Variants in GABRB1 observed in about 807,000 individuals in gnomAD.
GABRB1 encodes the protein gamma-aminobutyric acid receptor subunit beta-1.
In GABRB1, 17 loss-of-function variants were observed where a neutral mutation model predicts 51.6. That is an observed-to-expected ratio of 0.33 (90% CI 0.23 to 0.49). The LOEUF (loss-of-function observed/expected upper bound fraction) is 0.49, where lower values mean the gene tolerates loss of function less well. GABRB1 is among the 20% of genes least tolerant of loss of function. The pLI is 0.99. For synonymous variants in GABRB1, 247 were observed against 218.9 expected, an observed-to-expected ratio of 1.13 and a Z score of -1.14; for missense variants, 410 against 600.6, an observed-to-expected ratio of 0.68 and a Z score of 3.32.
At chr4:47,114,075 C>G (rs1037625889) in intron 3 of GABRB1, among the ~76,000 whole-genome samples, 1 of 152,180 alleles carries the variant, frequency 6.6e-6, no homozygotes, top group Non-Finnish European at 1.5e-5. Context: ...ATGCAGTTTA[C>G]AGTTCTTATT....
intron 3 of GABRB1, among the ~76,000 whole-genome samples, chr4:47,132,578 A>G (rs141702620): frequency 1.3e-5 from 2 of 152,332 alleles, no homozygotes; most frequent in African/African-American, 4.8e-5. Flanking sequence ...GTCAGTTAAA[A>G]TGAACTTTTT....
intron 3 of GABRB1, among the ~76,000 whole-genome samples, chr4:47,136,283 G>A (rs900077330): frequency 6.6e-6 from 1 of 152,018 alleles, no homozygotes; most frequent in Non-Finnish European, 1.5e-5. Context: ...TAGCGGCCTT[G>A]AATACCACTT....
chr4:47,016,446 T>C (rs975785437), intron 1 of GABRB1, among the ~76,000 whole-genome samples: 1 of 152,200 alleles, frequency 6.6e-6, no homozygotes, highest in Non-Finnish European at 1.5e-5. Context: ...TAAAGTGACA[T>C]AGTGACACTT....
chr4:47,249,465 G>C (rs1397107977), intron 4 of GABRB1, among the ~76,000 whole-genome samples: 1 of 152,050 alleles, frequency 6.6e-6, no homozygotes, highest in Non-Finnish European at 1.5e-5. Context: ...ATGCACTGTT[G>C]AACAGAATGT....
chr4:47,305,742 C>G (rs1016012020), intron 4 of GABRB1, among the ~76,000 whole-genome samples: 2 of 152,150 alleles, frequency 1.3e-5, no homozygotes, highest in African/African-American at 2.4e-5. Flanking sequence ...TCATAATTAT[C>G]ACCCAGTATT....
chr4:47,412,339 T>G (rs573709526), intron 8 of GABRB1, among the ~76,000 whole-genome samples: 2 of 152,308 alleles, frequency 1.3e-5, no homozygotes, highest in African/African-American at 2.4e-5. Context: ...ATTTTAGATG[T>G]TTTTAGAAAT....
chr4:47,349,055 G>A (rs1389277728), intron 5 of GABRB1, among the ~76,000 whole-genome samples: 2 of 152,162 alleles, frequency 1.3e-5, no homozygotes, highest in African/African-American at 2.4e-5. Flanking sequence ...AGAATACCGG[G>A]AATGTTTTAG....
chr4:47,383,693 A>T (rs1354907727), intron 5 of GABRB1, among the ~76,000 whole-genome samples: 3 of 152,176 alleles, frequency 2.0e-5, no homozygotes, highest in Non-Finnish European at 4.4e-5. Context: ...TAGCGGGCAT[A>T]TGAGCTACCA....
chr4:47,066,070 C>G (rs947909434), intron 3 of GABRB1, among the ~76,000 whole-genome samples: 1 of 151,998 alleles, frequency 6.6e-6, no homozygotes, highest in Non-Finnish European at 1.5e-5. Flanking sequence ...CAAAGCCATA[C>G]GAACAATTGC....
intron 1 of GABRB1, among the ~76,000 whole-genome samples, chr4:47,022,535 A>G (rs938673749): frequency 1.3e-5 from 2 of 152,098 alleles, no homozygotes; most frequent in Non-Finnish European, 2.9e-5. Context: ...TCATCAGAAT[A>G]TGACTAATTA....
At chr4:47,004,916 A>G (rs181303608) in intron 1 of GABRB1, among the ~76,000 whole-genome samples, 2 of 152,340 alleles carry the variant, frequency 1.3e-5, no homozygotes, top group African/African-American at 2.4e-5. Context: ...TCGAAGGTCA[A>G]TGGCATGCAG....
At chr4:47,240,875 T>C (rs890955786) in intron 4 of GABRB1, among the ~76,000 whole-genome samples, 1 of 152,216 alleles carries the variant, frequency 6.6e-6, no homozygotes, top group African/African-American at 2.4e-5. Context: ...CATCCCATTC[T>C]CTTTCTCCTT....
At chr4:47,276,074 C>T (rs772086152) in intron 4 of GABRB1, among the ~76,000 whole-genome samples, 1 of 152,108 alleles carries the variant, frequency 6.6e-6, no homozygotes, top group Non-Finnish European at 1.5e-5. Context: ...ATCTCAGTCC[C>T]TTTATTTGAT....
At chr4:47,305,172 C>G (rs183208549) in intron 4 of GABRB1, among the ~76,000 whole-genome samples, 16 of 152,198 alleles carry the variant, frequency 1.1e-4, no homozygotes, top group African/African-American at 3.6e-4. Flanking sequence ...GCCTCTCTCT[C>G]AAGCCACAGG....
At chr4:47,190,252 A>G (rs575081717) in intron 4 of GABRB1, among the ~76,000 whole-genome samples, 1 of 152,252 alleles carries the variant, frequency 6.6e-6, no homozygotes, top group Admixed American at 6.5e-5. Flanking sequence ...TATGTGTCAT[A>G]AGATGTGTAT....
At chr4:47,352,806 G>A (rs1461680271) in intron 5 of GABRB1, among the ~76,000 whole-genome samples, 1 of 152,154 alleles carries the variant, frequency 6.6e-6, no homozygotes, top group Non-Finnish European at 1.5e-5. Flanking sequence ...TTTCTTCATA[G>A]TAGTGAGGGT....
At chr4:47,141,230 G>A (rs192810831) in intron 3 of GABRB1, among the ~76,000 whole-genome samples, 43 of 152,036 alleles carry the variant, frequency 2.8e-4, no homozygotes, top group Non-Finnish European at 5.9e-4. Flanking sequence ...AAATCCACCA[G>A]AACTTCTCCA....
At chr4:47,350,218 T>TATATATATAGAG (rs750199965) in intron 5 of GABRB1, among the ~76,000 whole-genome samples, 66 of 56,638 alleles carry the variant, frequency 1.2e-3, no homozygotes, top group East Asian at 2.7e-3. Context: ...TATATATATA[T>TATATATATAGAG]AGAGAGAGAG....
intron 5 of GABRB1, among the ~76,000 whole-genome samples, chr4:47,400,802 T>A (rs1460227983): frequency 1.3e-5 from 2 of 152,152 alleles, no homozygotes; most frequent in African/African-American, 4.8e-5. Context: ...TAGCTCTCAC[T>A]TATAAATAAG....
Sources: allele counts gnomAD v4.1 joint callset (sites outside exome capture counted in the v4.1 genomes callset), GRCh38; gene constraint gnomAD v4.1.1; transcripts MANE v1.5; gene names NCBI Gene and HGNC (gene_info 2026-07-23, HGNC 2026-07-21).